Variants in DNAJC1 observed in about 807,000 individuals in gnomAD.
DNAJC1 encodes dnaJ homolog subfamily C member 1.
In DNAJC1, 58 loss-of-function variants were observed where a neutral mutation model predicts 76.6. The ratio of observed to expected loss-of-function variants is 0.76; its 90% CI spans 0.61 to 0.94. The LOEUF (loss-of-function observed/expected upper bound fraction) is 0.94, where lower values mean the gene tolerates loss of function less well. DNAJC1 is among the 40% of genes least tolerant of loss of function. DNAJC1 has a pLI of 0.00. For synonymous variants in DNAJC1, 258 were observed against 267.9 expected, an observed-to-expected ratio of 0.96 and a Z score of 0.36; for missense variants, 689 against 677.3, an observed-to-expected ratio of 1.02 and a Z score of -0.19.
At chr10:21,813,088 C>CAT in intron 8 of DNAJC1, among the ~76,000 whole-genome samples, 1 of 76,338 alleles carries the variant, frequency 1.3e-5, no homozygotes, top group African/African-American at 5.1e-5. Flanking sequence ...TACATATATA[C>CAT]ACACACACAT....
chr10:21,805,957 A>C, intron 9 of DNAJC1, 23 bp downstream of exon 9: 1 of 1,610,916 alleles, frequency 6.2e-7, no homozygotes, highest in Non-Finnish European at 8.5e-7. Context: ...CTCTCTATAC[A>C]ATGCAAATCT....
At chr10:21,931,469 G>C (rs1477884195) in intron 1 of DNAJC1, among the ~76,000 whole-genome samples, 4 of 152,202 alleles carry the variant, frequency 2.6e-5, no homozygotes, top group Non-Finnish European at 2.9e-5. Flanking sequence ...CTTCAAACTA[G>C]CTTATGTATT....
chr10:21,757,160 C>T (rs1488384205), intron 11 of DNAJC1, among the ~76,000 whole-genome samples: 1 of 152,224 alleles, frequency 6.6e-6, no homozygotes, highest in Non-Finnish European at 1.5e-5. Context: ...TCTGGCTTTC[C>T]CTAGGCGCTG....
chr10:21,863,056 C>T (rs1189734328), intron 8 of DNAJC1, among the ~76,000 whole-genome samples: 3 of 152,104 alleles, frequency 2.0e-5, no homozygotes, highest in South Asian at 2.1e-4. Flanking sequence ...CGCTTGAACC[C>T]GGGAGGCGGA....
In DNAJC1 at chr10:21,940,731, T is replaced by C. The variant is rs1278534710; in HGVS notation, c.223-11590A>G. Among the ~76,000 whole-genome samples, 4 of 152,188 alleles carry C rather than the reference T, an allele frequency of 2.6e-5. No individual in the cohort carries two copies. In the East Asian group the frequency reaches 5.8e-4, roughly 22 times the overall value. On this transcript the variant is annotated intron_variant, in intron 1 of 11. Transcript: ENST00000376980. ...ATATAGATAAACAAAAGACTGCAGCTTCAAGAGACAGCTGCTTCTGATATC... is the reference window on the plus strand; with the variant it reads ...ATATAGATAAACAAAAGACTGCAGCCTCAAGAGACAGCTGCTTCTGATATC...
intron 1 of DNAJC1, among the ~76,000 whole-genome samples, chr10:21,998,799 G>A (rs1838465063): frequency 6.6e-6 from 1 of 152,194 alleles, no homozygotes; most frequent in Non-Finnish European, 1.5e-5. Context: ...AAAATCTGTT[G>A]AGTAAAAACT....
At chr10:21,970,254 C>T (rs2131827565) in intron 1 of DNAJC1, among the ~76,000 whole-genome samples, 1 of 152,134 alleles carries the variant, frequency 6.6e-6, no homozygotes, top group East Asian at 1.9e-4. Flanking sequence ...GGTAAATTCT[C>T]TGTGTCCTTC....
rs550705896 is a variant in DNAJC1, at chr10:21,811,201, G to T, written c.979-5102C>A. On this transcript the variant is annotated intron_variant, in intron 8 of 11. Coordinates refer to ENST00000376980, the MANE Select transcript of DNAJC1 (RefSeq NM_022365.4). The stretch of plus-strand genomic sequence containing the variant: ...TTACACACAGAGCAAGGCCTTGGTT[G>T]TATTTCTGAACATTATTGGGTAAAC... Among the ~76,000 whole-genome samples the T allele has an allele frequency of 2.6e-5, 4 of 152,318 alleles. No individual in the cohort carries two copies. In the East Asian group the frequency reaches 5.8e-4, roughly 22 times the overall value.
intron 9 of DNAJC1, among the ~76,000 whole-genome samples, chr10:21,797,936 T>C (rs917925212): frequency 3.9e-5 from 6 of 152,192 alleles, no homozygotes; most frequent in Non-Finnish European, 8.8e-5. Context: ...GGCCTATATA[T>C]ACTGTCATGA....
intron 1 of DNAJC1, among the ~76,000 whole-genome samples, chr10:21,990,444 G>T (rs1377864570): frequency 6.6e-6 from 1 of 152,048 alleles, no homozygotes; most frequent in Non-Finnish European, 1.5e-5. Context: ...TTTATTTTAA[G>T]GCACAAAGAA....
chr10:21,851,395 T>C (rs1564807833), intron 8 of DNAJC1, among the ~76,000 whole-genome samples: 2 of 152,102 alleles, frequency 1.3e-5, no homozygotes, highest in South Asian at 4.1e-4. Flanking sequence ...ACTAGGGGAA[T>C]GCAAATCAAA....
intron 7 of DNAJC1, among the ~76,000 whole-genome samples, chr10:21,883,670 T>G (rs921954135): frequency 6.6e-6 from 1 of 152,188 alleles, no homozygotes; most frequent in East Asian, 1.9e-4. Context: ...CAAAATAACA[T>G]AGTGACACAG....
chr10:21,834,108 C>CA (rs747766669), intron 8 of DNAJC1, among the ~76,000 whole-genome samples: 6 of 152,072 alleles, frequency 3.9e-5, no homozygotes, highest in Non-Finnish European at 7.4e-5. Context: ...ACTAAAAATA[C>CA]AAAAAATTAA....
chr10:21,860,947 T>C (rs1835909805), intron 8 of DNAJC1: 1 of 152,326 alleles, frequency 6.6e-6, no homozygotes, highest in Admixed American at 6.5e-5. Context: ...AGAAAGAGAA[T>C]ACAGGCTTTG....
chr10:21,928,586 C>T (rs1030898401), intron 2 of DNAJC1, 34 bp from the exon 3 acceptor site: 3 of 1,550,778 alleles, frequency 1.9e-6, no homozygotes, highest in Admixed American at 1.7e-5. Flanking sequence ...AATAAAAATA[C>T]TCTCAACTAT....
chr10:21,957,629 C>T (rs1837712067), intron 1 of DNAJC1, among the ~76,000 whole-genome samples: 1 of 152,062 alleles, frequency 6.6e-6, no homozygotes, highest in African/African-American at 2.4e-5. Context: ...TCTCTATCAC[C>T]ACGGCCATTA....
intron 6 of DNAJC1, among the ~76,000 whole-genome samples, chr10:21,905,734 T>C (rs1836733642): frequency 6.6e-6 from 1 of 152,090 alleles, no homozygotes; most frequent in Non-Finnish European, 1.5e-5. Flanking sequence ...CAATAAGTAT[T>C]TACCGAATTG....
intron 1 of DNAJC1, among the ~76,000 whole-genome samples, chr10:21,967,016 T>TG (rs1363231412): frequency 7.5e-6 from 1 of 133,820 alleles, no homozygotes; most frequent in East Asian, 2.0e-4. Flanking sequence ...TTCTTCTTCT[T>TG]TTTTTTTTTT....
intron 3 of DNAJC1, among the ~76,000 whole-genome samples, chr10:21,925,095 G>A (rs1197862488): frequency 6.6e-6 from 1 of 151,988 alleles, no homozygotes; most frequent in East Asian, 1.9e-4. Flanking sequence ...TCCCATCTCA[G>A]CATCACAAGT....
Sources: gnomAD v4.1 joint callset for allele counts (sites outside exome capture counted in the v4.1 genomes callset) on GRCh38, gnomAD v4.1.1 for gene constraint, MANE v1.5 for transcripts, NCBI Gene and HGNC (gene_info 2026-07-23, HGNC 2026-07-21) for gene names.